The following LARP1 variants were observed in gnomAD, a reference collection of about 807,000 sequenced individuals.
LARP1 encodes the protein La ribonucleoprotein 1, translational regulator, also known as la-related protein 1.
A neutral mutation model predicts 122.7 loss-of-function variants in LARP1; 36 were observed. The ratio of observed to expected loss-of-function variants is 0.29; its 90% CI spans 0.22 to 0.39. The LOEUF is 0.39. Among genes scored for constraint, LARP1 ranks in the 10% least tolerant of loss-of-function variants. The pLI, the probability that LARP1 is intolerant of heterozygous loss-of-function variation, is 1.00. For synonymous variants in LARP1, 539 were observed against 528.7 expected (o/e 1.02, Z -0.27); for missense variants, 1,040 against 1,403.6 (o/e 0.74, Z 4.14).
At chr5:154,784,602 C>G (rs1756737543) in intron 1 of LARP1, among the ~76,000 whole-genome samples, 1 of 152,158 alleles carries the variant, frequency 6.6e-6, no homozygotes, top group African/African-American at 2.4e-5. Flanking sequence ...TTCTAGTCAC[C>G]CACTCTGGGT....
chr5:154,789,219 C>CTTTT lies in LARP1; in HGVS notation c.437-1089_437-1086dup, dbSNP rs757782683. 8.1e-4 allele frequency among the ~76,000 whole-genome samples: 74 copies of CTTTT among 91,372 alleles called. 2 individuals carry two copies. Among genetic ancestry groups the CTTTT allele is most frequent in the African/African-American group, 1.4e-3 (30 of 21,414 alleles). The allele number at this position is 91,372 out of a possible 152,430, so 59.9% of individuals were successfully genotyped here. The stretch of plus-strand genomic sequence containing the variant: ...GAGCGAGACTCTGTCTCAAAACAAA[C>CTTTT]TTTTTTTTTTTTTTTTTTTTGAGAC... On this transcript the variant is annotated intron_variant, in intron 1 of 18. Transcript: ENST00000518297.
At chr5:154,725,810 G>A (rs1400440910) in intron 1 of LARP1, among the ~76,000 whole-genome samples, 1 of 152,128 alleles carries the variant, frequency 6.6e-6, no homozygotes. Context: ...CTACCAAGAA[G>A]GAGTGTCCCT....
intron 1 of LARP1, among the ~76,000 whole-genome samples, chr5:154,719,039 G>C (rs968957647): frequency 1.3e-5 from 2 of 152,194 alleles, no homozygotes; most frequent in African/African-American, 4.8e-5. Flanking sequence ...TATTAGCTCA[G>C]AGAAGAAAAC....
chr5:154,814,961 C>T lies in LARP1; in HGVS notation c.*865C>T, dbSNP rs1331506805. On this transcript the variant is annotated 3_prime_UTR_variant, in exon 19 of 19. Coordinates refer to ENST00000518297, the MANE Select transcript of LARP1 (RefSeq NM_033551.3). Reference sequence around the variant, plus strand: ...CCACAGAAAGTAATGTCTTTCCCCTCCCCTTGGAATTTTTGTTTTGTTTTT... The same window carrying T: ...CCACAGAAAGTAATGTCTTTCCCCTTCCCTTGGAATTTTTGTTTTGTTTTT... The T allele has an allele frequency of 6.6e-6, 1 of 151,850 alleles. No homozygotes were observed. The highest frequency in any genetic ancestry group is 1.5e-5 in the Non-Finnish European group (1 of 67,930). The allele number at this position is 151,850 out of a possible 1,614,324, so 9.4% of individuals were successfully genotyped here.
intron 18 of LARP1, 34 bp downstream of exon 18, chr5:154,811,674 C>A (rs1456713509): frequency 6.2e-7 from 1 of 1,612,570 alleles, no homozygotes; most frequent in African/African-American, 1.3e-5. Flanking sequence ...TCTGCTTGTC[C>A]TGGAAAGAAA....
chr5:154,792,486 C>T, intron 3 of LARP1, 136 bp from the exon 4 acceptor site: 8 of 788,144 alleles, frequency 1.0e-5, no homozygotes, highest in Non-Finnish European at 6.3e-6. Flanking sequence ...GTGAAAATGA[C>T]CTTAGAATAC....
rs370134105 is a variant in LARP1 at position 154,802,063 on chromosome 5, C to G, written c.1773C>G (p.Ser591=). The change falls in exon 11 of 19, where the codon TCC becomes TCG. Residue 591 remains serine (S), a synonymous_variant. Transcript: ENST00000518297. The surrounding 1 kb of genome is among the most constrained non-coding windows in gnomAD (Gnocchi z 5.1). ...CCTCTCTGCCTCAGCAGCTGCCTTC[C>G]CAGCAGCTGATGTCCAAGGATCAGG... ...HLTSLPQQLP[S]QQLMSKDQDE... is the part of the protein sequence containing the mutation. 1 of 1,613,992 alleles carries G rather than the reference C, an allele frequency of 6.2e-7. No individual in the cohort carries two copies. The highest frequency in any genetic ancestry group is 2.2e-5 in the East Asian group (1 of 44,876).
intron 1 of LARP1, among the ~76,000 whole-genome samples, chr5:154,769,032 T>C (rs1390830831): frequency 6.6e-6 from 1 of 152,144 alleles, no homozygotes; most frequent in South Asian, 2.1e-4. Context: ...AGAGACTGGG[T>C]TTTGCCACAC....
At chr5:154,779,573 A>G (rs2113710418) in intron 1 of LARP1, among the ~76,000 whole-genome samples, 1 of 149,248 alleles carries the variant, frequency 6.7e-6, no homozygotes, top group South Asian at 2.1e-4. Flanking sequence ...CAGTGGCGCA[A>G]TCTCGGCTCA....
At chr5:154,710,374 G>T (rs138333041), upstream of LARP1, among the ~76,000 whole-genome samples, 25 of 152,212 alleles carry the variant, frequency 1.6e-4, no homozygotes, top group African/African-American at 6.0e-4. Context: ...TACTTTGGAA[G>T]GCCGAGGTGG....
At chr5:154,752,863 C>T (rs972830232), upstream of LARP1, among the ~76,000 whole-genome samples, 10 of 151,834 alleles carry the variant, frequency 6.6e-5, no homozygotes, top group African/African-American at 1.2e-4. Flanking sequence ...TGCTTGAACC[C>T]GGGAGGCGGA....
chr5:154,799,754 A>T lies in LARP1; in HGVS notation c.1541A>T (p.Glu514Val), dbSNP rs1165135365. The change falls in exon 9 of 19, where the codon GAG becomes GTG. Residue 514 changes from glutamate to valine, a missense_variant. Glu to Val is a moderately radical substitution (Grantham distance 121). This residue lies in a region of LARP1 where 362 missense variants were observed against 533.1 expected (regional missense o/e 0.68). Transcript: ENST00000518297. Reference protein sequence around the residue: ...EFVPRQHYQKETESAPGSPRA... With the variant: ...EFVPRQHYQKVTESAPGSPRA... Reference sequence around the variant, plus strand: ...GTTCCCCGTCAGCACTACCAAAAGGAGACAGGTAGGTACCTGCTGGCATGA... The same window carrying T: ...GTTCCCCGTCAGCACTACCAAAAGGTGACAGGTAGGTACCTGCTGGCATGA... 2 of 1,614,064 alleles carry T rather than the reference A, an allele frequency of 1.2e-6. No individual in the cohort carries two copies. The highest frequency in any genetic ancestry group is 1.7e-6 in the Non-Finnish European group (2 of 1,180,032).
rs10526758 is a variant in LARP1, at chr5:154,737,436, C to CTTT, written c.205+24327_205+24329dup. Reference sequence around the variant, plus strand: ...TAATCTAGAAGCATGGAATTTTTCTCTTTTTTTTTTTTTTTTTTTTTTTGA... The same window carrying CTTT: ...TAATCTAGAAGCATGGAATTTTTCTCTTTTTTTTTTTTTTTTTTTTTTTTTTGA... On this transcript the variant is annotated intron_variant, in intron 1 of 18. Coordinates refer to the LARP1 transcript ENST00000336314. 9.4e-3 allele frequency among the ~76,000 whole-genome samples: 896 copies of CTTT among 95,318 alleles called. 6 individuals carry two copies. Among genetic ancestry groups the CTTT allele is most frequent in the East Asian group, 0.014 (40 of 2,862 alleles). 62.5% of individuals were successfully genotyped at this position (95,318 alleles called of 152,430 possible).
chr5:154,721,880 G>A (rs575867520), intron 1 of LARP1, among the ~76,000 whole-genome samples: 39 of 152,228 alleles, frequency 2.6e-4, no homozygotes, highest in Admixed American at 7.9e-4. Context: ...TGACAAACCA[G>A]ATATTCCCTG....
At chr5:154,765,041 C>T (rs545976862) in intron 1 of LARP1, among the ~76,000 whole-genome samples, 2 of 152,272 alleles carry the variant, frequency 1.3e-5, no homozygotes, top group South Asian at 4.1e-4. Context: ...AACTGGTCTC[C>T]TATCACTCCT....
At chr5:154,702,543 C>A (rs373119703) in intron 1 of LARP1, among the ~76,000 whole-genome samples, 3 of 149,546 alleles carry the variant, frequency 2.0e-5, no homozygotes, top group African/African-American at 7.4e-5. Context: ...GCAACACGAA[C>A]GAAACTCCAT....
chr5:154,687,457 C>T (rs1475016137), intron 1 of LARP1, among the ~76,000 whole-genome samples: 1 of 152,216 alleles, frequency 6.6e-6, no homozygotes, highest in Non-Finnish European at 1.5e-5. Flanking sequence ...TCTCGGCTCA[C>T]TGCAAGCTCC....
At chr5:154,714,585 G>A (rs1223995494) in intron 1 of LARP1, among the ~76,000 whole-genome samples, 2 of 152,180 alleles carry the variant, frequency 1.3e-5, no homozygotes, top group African/African-American at 4.8e-5. Flanking sequence ...ACCTACTGAT[G>A]ACCCTGGGTG....
intron 1 of LARP1, among the ~76,000 whole-genome samples, chr5:154,690,793 G>A (rs1454526740): frequency 6.6e-6 from 1 of 152,222 alleles, no homozygotes; most frequent in Non-Finnish European, 1.5e-5. Flanking sequence ...ACGGCCTGGC[G>A]GGACAGGGCG....
Sources: allele counts gnomAD v4.1 joint callset (sites outside exome capture counted in the v4.1 genomes callset), GRCh38; gene constraint gnomAD v4.1.1; regional missense constraint gnomAD v4.1.1; non-coding constraint Gnocchi (gnomAD v3.1); transcripts MANE v1.5; gene names NCBI Gene and HGNC (gene_info 2026-07-23, HGNC 2026-07-21).